Variants in LUZP2 observed in about 807,000 individuals in gnomAD.
The protein encoded by LUZP2 is leucine zipper protein 2.
A neutral mutation model predicts 51.6 loss-of-function variants in LUZP2; 52 were observed. The ratio of observed to expected loss-of-function variants is 1.01; its 90% CI spans 0.81 to 1.27. The LOEUF is 1.27. LUZP2 is among the 50% of genes most tolerant of loss of function. The pLI is 0.00. For synonymous variants in LUZP2, 154 were observed against 137.3 expected (o/e 1.12, Z -0.85); for missense variants, 436 against 395.4 (o/e 1.10, Z -0.87).
At chr11:24,757,208 T>C (rs1300503102) in intron 4 of LUZP2, among the ~76,000 whole-genome samples, 2 of 152,170 alleles carry the variant, frequency 1.3e-5, no homozygotes, top group Non-Finnish European at 2.9e-5. Flanking sequence ...ACTGCCTATA[T>C]TTCTTTACCA....
chr11:25,068,244 C>T (rs1859051891), intron 10 of LUZP2, among the ~76,000 whole-genome samples: 1 of 151,792 alleles, frequency 6.6e-6, no homozygotes, highest in Non-Finnish European at 1.5e-5. Context: ...CAGCAAACCA[C>T]AATGGCACGT....
intron 10 of LUZP2, among the ~76,000 whole-genome samples, chr11:25,057,167 T>G (rs1858713678): frequency 6.6e-6 from 1 of 152,164 alleles, no homozygotes; most frequent in African/African-American, 2.4e-5. Flanking sequence ...ATAGATATCC[T>G]TATTAGCTCC....
intron 5 of LUZP2, among the ~76,000 whole-genome samples, chr11:24,856,087 A>T (rs1469497149): frequency 6.6e-6 from 1 of 152,134 alleles, no homozygotes; most frequent in Non-Finnish European, 1.5e-5. Flanking sequence ...CAAGTAAGTA[A>T]AACAAAAATA....
chr11:24,584,910 C>T (rs1853007616), intron 1 of LUZP2, among the ~76,000 whole-genome samples: 2 of 152,168 alleles, frequency 1.3e-5, no homozygotes, highest in Non-Finnish European at 2.9e-5. Flanking sequence ...TAACAGAAAA[C>T]TAAAATGAGC....
intron 5 of LUZP2, chr11:24,786,075 C>T (rs970446857): frequency 2.2e-5 from 22 of 985,092 alleles, no homozygotes; most frequent in East Asian, 1.1e-4. Context: ...CATTTTTCAT[C>T]GGCTGGCACC....
rs554815069 is a variant in LUZP2, at chr11:25,082,586, TAA to T, written c.*3931_*3932del. 3.0e-4 allele frequency: 46 copies of T among 152,276 alleles called. No homozygotes were observed. The highest frequency in any genetic ancestry group is 1.0e-3 in the African/African-American group (43 of 41,578). 9.4% of individuals were successfully genotyped at this position (152,276 alleles called of 1,614,324 possible). Reference sequence around the variant, plus strand: ...ATAATAACAGTCGAATGATGAAGAATAAAAGATGCTGAAAGATGGCCTATTTT... The same window carrying T: ...ATAATAACAGTCGAATGATGAAGAATAAGATGCTGAAAGATGGCCTATTTT... On this transcript the variant is annotated 3_prime_UTR_variant, in exon 12 of 12. Coordinates refer to ENST00000336930, the MANE Select transcript of LUZP2 (RefSeq NM_001009909.4).
intron 1 of LUZP2, among the ~76,000 whole-genome samples, chr11:24,589,636 A>AT (rs1274477218): frequency 6.6e-6 from 1 of 152,148 alleles, no homozygotes; most frequent in Admixed American, 6.6e-5. Flanking sequence ...TTAGGTTACA[A>AT]TTTTTTTAAG....
At position 24,862,638 on chromosome 11, in the gene LUZP2, C is replaced by T. The variant is rs1405415604; in HGVS notation, c.397-43353C>T. Among the ~76,000 whole-genome samples, 5 of 152,074 alleles carry T rather than the reference C, an allele frequency of 3.3e-5. No individual in the cohort carries two copies. In the South Asian group the frequency reaches 1.0e-3, roughly 32 times the overall value. ...CCATCGGTGTGCTGTATTCAGGAGA[C>T]CTATCTTTAATGCAAAGACACACAT... On this transcript the variant is annotated intron_variant, in intron 5 of 11. Transcript: ENST00000336930.
chr11:24,629,297 T>A (rs1293770625), intron 1 of LUZP2, among the ~76,000 whole-genome samples: 1 of 151,840 alleles, frequency 6.6e-6, no homozygotes, highest in Non-Finnish European at 1.5e-5. Context: ...ATGTACACAT[T>A]ATTTAGCTCC....
chr11:24,934,624 A>AT (rs1433258683), intron 7 of LUZP2, among the ~76,000 whole-genome samples: 1 of 152,348 alleles, frequency 6.6e-6, no homozygotes, highest in South Asian at 2.1e-4. Context: ...ATGTTGTGAC[A>AT]TATTACATAA....
In LUZP2 at chr11:25,064,164, TTTC is replaced by T. The variant is rs1321011095; in HGVS notation, c.859-13162_859-13160del. On this transcript the variant is annotated intron_variant, in intron 10 of 11. Coordinates refer to ENST00000336930, the MANE Select transcript of LUZP2 (RefSeq NM_001009909.4). Reference sequence around the variant, plus strand: ...ACATACCATATAGTTTATTTTATTGTTTCTTATCATTCCACCTGTACTGATTTC... The same window carrying T: ...ACATACCATATAGTTTATTTTATTGTTTATCATTCCACCTGTACTGATTTC... 2.0e-5 allele frequency among the ~76,000 whole-genome samples: 3 copies of T among 152,124 alleles called. 1 individual carries two copies. Among genetic ancestry groups the T allele is most frequent in the Non-Finnish European group, 4.4e-5 (3 of 67,984 alleles).
intron 4 of LUZP2, among the ~76,000 whole-genome samples, chr11:24,762,686 G>A (rs1438541265): frequency 6.6e-6 from 1 of 152,056 alleles, no homozygotes; most frequent in Non-Finnish European, 1.5e-5. Flanking sequence ...AAGCACTCGG[G>A]CAGGTAATGC....
At chr11:24,871,643 G>A (rs1314252189) in intron 5 of LUZP2, among the ~76,000 whole-genome samples, 2 of 151,920 alleles carry the variant, frequency 1.3e-5, no homozygotes, top group Non-Finnish European at 2.9e-5. Context: ...CAAAGAGCAA[G>A]GTTCCCCAAA....
At chr11:24,991,117 T>C (rs972306684) in intron 9 of LUZP2, among the ~76,000 whole-genome samples, 6 of 151,922 alleles carry the variant, frequency 3.9e-5, no homozygotes, top group Non-Finnish European at 7.4e-5. Context: ...ATCCTTTACC[T>C]GCTTCCTACC....
chr11:24,942,380 T>C (rs1394996183), intron 7 of LUZP2, among the ~76,000 whole-genome samples: 4 of 152,190 alleles, frequency 2.6e-5, no homozygotes, highest in African/African-American at 9.6e-5. Flanking sequence ...GTTTGGTCAG[T>C]CCTGAGTTTC....
intron 10 of LUZP2, among the ~76,000 whole-genome samples, chr11:25,054,409 A>G (rs992262921): frequency 4.0e-5 from 6 of 151,518 alleles, no homozygotes; most frequent in Non-Finnish European, 7.4e-5. Flanking sequence ...AAGCACACTG[A>G]TTTTTTTTCT....
chr11:24,755,153 G>A (rs11028143), intron 4 of LUZP2, among the ~76,000 whole-genome samples: 12,435 of 139,444 alleles, frequency 0.089, 843 homozygotes, highest in East Asian at 0.43. Context: ...CTAAAAAACA[G>A]AAAAAAAAAA....
intron 5 of LUZP2, among the ~76,000 whole-genome samples, chr11:24,854,291 G>A (rs1851484941): frequency 6.6e-6 from 1 of 152,328 alleles, no homozygotes; most frequent in Admixed American, 6.5e-5. Context: ...GACTGAGGCT[G>A]CTGCCTTTCT....
intron 1 of LUZP2, among the ~76,000 whole-genome samples, chr11:24,708,110 G>C (rs1224202850): frequency 3.3e-5 from 5 of 152,150 alleles, no homozygotes; most frequent in African/African-American, 1.2e-4. Flanking sequence ...GGGTGGAGCA[G>C]GTGATCGAAA....
Sources: allele counts gnomAD v4.1 joint callset (sites outside exome capture counted in the v4.1 genomes callset), GRCh38; gene constraint gnomAD v4.1.1; transcripts MANE v1.5; gene names NCBI Gene and HGNC (gene_info 2026-07-23, HGNC 2026-07-21).